TLE2: variants seen among roughly 807,000 people sequenced by gnomAD.
The protein encoded by TLE2 is transducin-like enhancer protein 2.
In TLE2, 74 loss-of-function variants were observed where a neutral mutation model predicts 97.2. That is an observed-to-expected ratio of 0.76 (90% CI 0.63 to 0.92). The LOEUF (loss-of-function observed/expected upper bound fraction) is 0.92. TLE2 is among the 40% of genes least tolerant of loss of function. TLE2 has a pLI of 0.00. For missense variants in TLE2, 1,038 were observed against 1,008.7 expected (o/e 1.03, Z -0.39); for synonymous variants, 499 against 432.1 (o/e 1.15, Z -1.92).
At chr19:3,024,847 C>T (rs932554753) in intron 5 of TLE2, among the ~76,000 whole-genome samples, 173 bp downstream of exon 5, 2 of 152,220 alleles carry the variant, frequency 1.3e-5, no homozygotes, top group African/African-American at 4.8e-5. Flanking sequence ...AGCCCCTGCC[C>T]CAGCGGGATG....
intron 1 of TLE2, among the ~76,000 whole-genome samples, chr19:3,042,184 G>C (rs1243337169): frequency 6.9e-6 from 1 of 144,058 alleles, no homozygotes; most frequent in Non-Finnish European, 1.5e-5. Context: ...GAATGGAGGA[G>C]GAAACGGAGG....
At chr19:3,007,842 C>G (rs1599205359) in intron 14 of TLE2, among the ~76,000 whole-genome samples, 1 of 152,174 alleles carries the variant, frequency 6.6e-6, no homozygotes, top group East Asian at 1.9e-4. Flanking sequence ...CCCAGCACTT[C>G]GAGAGGCCAA....
chr19:3,011,389 G>A lies in TLE2; in HGVS notation c.874-229C>T, dbSNP rs777607230. Among the ~76,000 whole-genome samples the A allele has an allele frequency of 5.3e-5, 8 of 151,854 alleles. No homozygotes were observed. In the East Asian group the frequency reaches 7.8e-4, roughly 15 times the overall value. On this transcript the variant is annotated intron_variant, in intron 11 of 19. Transcript: ENST00000262953. ...CTAAAAATACAAAAAAAGATTAGCC[G>A]GGCGTGGTGGCATGTGCCTGTGATC... is the stretch of plus-strand genomic sequence containing the variant.
chr19:3,000,505 T>TA (rs1349457452), intron 19 of TLE2, 142 bp downstream of exon 19: 91 of 669,012 alleles, frequency 1.4e-4, no homozygotes, highest in Middle Eastern at 8.4e-4. Context: ...ACCTGGGCGG[T>TA]AGGGAGGCTT....
chr19:3,018,763 C>T (rs537880910), intron 7 of TLE2, among the ~76,000 whole-genome samples: 2 of 152,054 alleles, frequency 1.3e-5, no homozygotes, highest in East Asian at 1.9e-4. Flanking sequence ...TACAGGCACC[C>T]GCCACCACTC....
At chr19:3,006,165 AC>A in intron 15 of TLE2, 197 bp from the exon 16 acceptor site, 1 of 940,202 alleles carries the variant, frequency 1.1e-6, no homozygotes, top group Admixed American at 1.7e-5. Flanking sequence ...TCCATCCTTT[AC>A]CTATAAGCCC....
chr19:3,021,381 G>C (rs2089840981), intron 5 of TLE2, among the ~76,000 whole-genome samples: 2 of 151,088 alleles, frequency 1.3e-5, no homozygotes, highest in African/African-American at 4.8e-5. Flanking sequence ...TCCCGCCTGG[G>C]TGACAGAGCG....
chr19:3,029,961 TA>T (rs1401841075), upstream of TLE2, among the ~76,000 whole-genome samples: 1 of 152,102 alleles, frequency 6.6e-6, no homozygotes, highest in East Asian at 1.9e-4. Flanking sequence ...CACGCCCAGC[TA>T]ATTTTTTAAT....
intron 11 of TLE2, among the ~76,000 whole-genome samples, chr19:3,011,865 C>CA (rs566649043): frequency 5.3e-5 from 8 of 150,022 alleles, no homozygotes; most frequent in South Asian, 2.1e-4. Context: ...AAAAACAAAA[C>CA]AAAAAAAAGG....
chr19:3,019,901 T>C lies in TLE2; in HGVS notation c.295-128A>G, dbSNP rs72988931. The C allele has an allele frequency of 0.053, 66,097 of 1,252,142 alleles. 1,981 individuals carry two copies. Among genetic ancestry groups the C allele is most frequent in the Middle Eastern group, 0.073 (383 of 5,254 alleles). 77.6% of individuals were successfully genotyped at this position (1,252,142 alleles called of 1,614,324 possible). On this transcript the variant is annotated intron_variant, in intron 5 of 19. Transcript: ENST00000262953. This position sits in a 1 kb window ranked among gnomAD's most constrained non-coding sequence, Gnocchi z 5.1. ...CCCGGTACTTCCCATTTCTCTTTTA[T>C]CTTTTTCCCTCTCACTCTCTCCCTT...
At chr19:3,042,301 T>A (rs1426501717) in intron 1 of TLE2, among the ~76,000 whole-genome samples, 1 of 16,952 alleles carries the variant, frequency 5.9e-5, no homozygotes, top group Non-Finnish European at 1.2e-4. Flanking sequence ...GGGGGGGCGG[T>A]GAGGTGCGGG....
intron 1 of TLE2, among the ~76,000 whole-genome samples, chr19:3,044,891 A>T (rs970242495): frequency 3.9e-5 from 6 of 152,114 alleles, no homozygotes; most frequent in African/African-American, 1.4e-4. Context: ...GTTGGGATAA[A>T]TTGTGCGGAG....
chr19:3,013,075 A>G (rs2089630250), intron 11 of TLE2, among the ~76,000 whole-genome samples: 2 of 152,120 alleles, frequency 1.3e-5, no homozygotes, highest in Non-Finnish European at 2.9e-5. Context: ...GGGGAGGCCT[A>G]GAAACCGACA....
intron 1 of TLE2, among the ~76,000 whole-genome samples, chr19:3,042,293 G>C (rs561886667): frequency 9.8e-4 from 122 of 124,338 alleles, no homozygotes; most frequent in African/African-American, 3.3e-3. Flanking sequence ...GGGAGGAAGG[G>C]GGGGCGGTGA....
chr19:3,026,869 T>C (rs34181478), intron 4 of TLE2, among the ~76,000 whole-genome samples: 74,982 of 148,744 alleles, frequency 0.5, 19,734 homozygotes, highest in African/African-American at 0.69. Flanking sequence ...ATCTCAGAAC[T>C]CTGAGGTCTA....
rs1269046212 is a variant in TLE2 at position 2,997,807 on chromosome 19, CT to C, written c.*40del. On this transcript the variant is annotated 3_prime_UTR_variant, in exon 20 of 20. Coordinates refer to ENST00000262953, the MANE Select transcript of TLE2 (RefSeq NM_003260.5). ...ATGTCTGTCCTGGCTGCTGATTCCC[CT>C]GGGAGTCTGGACTTCGGGTACAGGA... The C allele has an allele frequency of 6.9e-7, 1 of 1,457,170 alleles. No individual in the cohort carries two copies. The highest frequency in any genetic ancestry group is 9.5e-7 in the Non-Finnish European group (1 of 1,054,296). 90.3% of individuals were successfully genotyped at this position (1,457,170 alleles called of 1,614,324 possible). A position where few individuals can be genotyped will look rare whatever the true frequency, so the allele number is the denominator to read the frequency against.
Position 2,997,795 on chromosome 19 carries a change from C to T in TLE2, c.*53G>A. The T allele has an allele frequency of 7.4e-7, 1 of 1,356,244 alleles. No individual in the cohort carries two copies. Among genetic ancestry groups the T allele is most frequent in the Non-Finnish European group, 1.0e-6 (1 of 965,750 alleles). 84.0% of individuals were successfully genotyped at this position (1,356,244 alleles called of 1,614,324 possible). On this transcript the variant is annotated 3_prime_UTR_variant, in exon 20 of 20. Transcript: ENST00000262953. The stretch of plus-strand genomic sequence containing the variant: ...GCGGCTGCTAGGATGTCTGTCCTGG[C>T]TGCTGATTCCCCTGGGAGTCTGGAC...
chr19:2,998,527 C>A (rs1319978481), intron 19 of TLE2, among the ~76,000 whole-genome samples: 1 of 152,044 alleles, frequency 6.6e-6, no homozygotes, highest in African/African-American at 2.4e-5. Context: ...ATCCGCCTGC[C>A]TTGGTCTCCC....
chr19:3,042,020 G>GCCCGGCCCAGCGTGTTC (rs747278750), intron 1 of TLE2, among the ~76,000 whole-genome samples: 21 of 152,004 alleles, frequency 1.4e-4, no homozygotes, highest in Non-Finnish European at 2.2e-4. Flanking sequence ...AGCCACGCGG[G>GCCCGGCCCAGCGTGTTC]CCCGGCCCAG....
Sources: gnomAD v4.1 joint callset for allele counts (sites outside exome capture counted in the v4.1 genomes callset) on GRCh38, gnomAD v4.1.1 for gene constraint, Gnocchi (gnomAD v3.1) non-coding constraint, MANE v1.5 for transcripts, NCBI Gene and HGNC (gene_info 2026-07-23, HGNC 2026-07-21) for gene names.